ZFPM2: variants seen among roughly 807,000 people sequenced by gnomAD.
The protein encoded by ZFPM2 is zinc finger protein, FOG family member 2.
Under a neutral mutation model 98.6 loss-of-function variants are expected in ZFPM2, and 20 were observed. The observed-to-expected ratio is 0.20, with a 90% confidence interval of 0.14 to 0.29. ZFPM2 has a LOEUF of 0.29. Among genes scored for constraint, ZFPM2 ranks in the 10% least tolerant of loss-of-function variants. The probability of loss-of-function intolerance (pLI) is 1.00; values close to 1 mark genes in which losing one functional copy is unlikely to be tolerated. For synonymous variants in ZFPM2, 518 were observed against 502.7 expected (o/e 1.03, Z -0.41); for missense variants, 1,310 against 1,388.6 (o/e 0.94, Z 0.90).
At chr8:105,589,428 A>G (rs749215162) in intron 4 of ZFPM2, among the ~76,000 whole-genome samples, 2 of 152,222 alleles carry the variant, frequency 1.3e-5, no homozygotes, top group African/African-American at 4.8e-5. Flanking sequence ...TTTTGTAATT[A>G]AAGCTACTTT....
intron 5 of ZFPM2, among the ~76,000 whole-genome samples, chr8:105,712,723 G>A (rs1355670146): frequency 6.6e-6 from 1 of 151,968 alleles, no homozygotes; most frequent in African/African-American, 2.4e-5. Flanking sequence ...CTCTCCTTTT[G>A]GAGTCCCCAG....
intron 5 of ZFPM2, among the ~76,000 whole-genome samples, chr8:105,657,100 G>A (rs1361154371): frequency 1.6e-4 from 25 of 152,038 alleles, no homozygotes; most frequent in South Asian, 4.1e-4. Flanking sequence ...GTTAAGGAGC[G>A]AGATAAATTG....
intron 5 of ZFPM2, among the ~76,000 whole-genome samples, chr8:105,784,032 T>A (rs1453355680): frequency 1.3e-5 from 2 of 151,310 alleles, no homozygotes; most frequent in African/African-American, 2.4e-5. Context: ...TTAACAACAC[T>A]TTTTTTTATA....
rs184903125 is a variant in ZFPM2, at chr8:105,546,314, C to T, written c.302-15049C>T. Among the ~76,000 whole-genome samples the T allele has an allele frequency of 3.0e-3, 457 of 152,194 alleles. 2 individuals carry two copies. Among genetic ancestry groups the T allele is most frequent in the African/African-American group, 0.01 (428 of 41,528 alleles). On this transcript the variant is annotated intron_variant, in intron 3 of 7. Transcript: ENST00000407775. ...AAGATAGGCTGGGTGTGGTGGCTCA[C>T]ACCTGTAATCCCAGCACTTTGGGAG...
intron 1 of ZFPM2, among the ~76,000 whole-genome samples, chr8:105,394,723 C>T (rs1811188066): frequency 6.6e-6 from 1 of 152,304 alleles, no homozygotes; most frequent in Non-Finnish European, 1.5e-5. Flanking sequence ...GGCACAGCTC[C>T]TTGTCTCACA....
At chr8:105,508,813 C>G (rs1813754329) in intron 3 of ZFPM2, among the ~76,000 whole-genome samples, 1 of 150,602 alleles carries the variant, frequency 6.6e-6, no homozygotes, top group African/African-American at 2.4e-5. Flanking sequence ...TTTTTTTTCC[C>G]CCTCGCATTG....
chr8:105,501,856 A>C (rs1448406087), intron 3 of ZFPM2, among the ~76,000 whole-genome samples: 2 of 152,136 alleles, frequency 1.3e-5, no homozygotes. Flanking sequence ...ATTATAAAGA[A>C]TCTCCTATAT....
rs546906734 is a variant in ZFPM2, at chr8:105,391,017, A to G, written c.41-28127A>G. Reference sequence around the variant, plus strand: ...CTTCAGAATTATATACTGAGAGTCAAGACTCCATAGCATAAATGTGATTGC... The same window carrying G: ...CTTCAGAATTATATACTGAGAGTCAGGACTCCATAGCATAAATGTGATTGC... On this transcript the variant is annotated intron_variant, in intron 1 of 7. Transcript: ENST00000407775. Among the ~76,000 whole-genome samples, 4 of 152,348 alleles carry G rather than the reference A, an allele frequency of 2.6e-5. No homozygotes were observed. The South Asian group carries it at 8.3e-4, about 32-fold the overall frequency.
intron 3 of ZFPM2, among the ~76,000 whole-genome samples, chr8:105,490,960 A>G (rs1456496711): frequency 2.6e-5 from 4 of 152,224 alleles, no homozygotes; most frequent in Non-Finnish European, 5.9e-5. Flanking sequence ...TGATAATTTT[A>G]AAAGGTCATC....
chr8:105,731,651 T>C (rs1324915728), intron 5 of ZFPM2, among the ~76,000 whole-genome samples: 1 of 151,576 alleles, frequency 6.6e-6, no homozygotes, highest in Admixed American at 6.6e-5. Flanking sequence ...GAGGGGGAGC[T>C]TCAACCTCCA....
intron 5 of ZFPM2, among the ~76,000 whole-genome samples, chr8:105,665,255 A>G (rs953378935): frequency 6.6e-5 from 10 of 152,062 alleles, no homozygotes; most frequent in African/African-American, 2.4e-4. Context: ...TGACCCAAAC[A>G]CCTTTCACTA....
chr8:105,770,417 G>T lies in ZFPM2; in HGVS notation c.533-18301G>T, dbSNP rs2131089680. On this transcript the variant is annotated intron_variant, in intron 5 of 7. Coordinates refer to ENST00000407775, the MANE Select transcript of ZFPM2 (RefSeq NM_012082.4). ...GGTTTTTATCTCACGAAAGTTAACT[G>T]AAAACAAAGTCATGTGAGTTTATGC... Among the ~76,000 whole-genome samples the T allele has an allele frequency of 2.0e-5, 3 of 152,156 alleles. No homozygotes were observed. In the Middle Eastern group the frequency reaches 0.01, roughly 518 times the overall value.
At chr8:105,662,395 TA>T (rs1466558210) in intron 5 of ZFPM2, 1 of 152,162 alleles carries the variant, frequency 6.6e-6, no homozygotes, top group Non-Finnish European at 1.5e-5. Context: ...CATTTCTTTC[TA>T]AAGTCCTAAC....
rs553179275 is a variant in ZFPM2, at chr8:105,461,181, T to G, written c.301+16800T>G. On this transcript the variant is annotated intron_variant, in intron 3 of 7. Coordinates refer to ENST00000407775, the MANE Select transcript of ZFPM2 (RefSeq NM_012082.4). ...TTCATGATTAATATATAGTGGAATATTTTAGCACATTTTAAAATTAAAAGA... is the reference window on the plus strand; with the variant it reads ...TTCATGATTAATATATAGTGGAATAGTTTAGCACATTTTAAAATTAAAAGA... Among the ~76,000 whole-genome samples the G allele has an allele frequency of 3.9e-5, 6 of 152,268 alleles. No individual in the cohort carries two copies. In the East Asian group the frequency reaches 1.2e-3, roughly 29 times the overall value.
chr8:105,725,184 C>A (rs1024470207), intron 5 of ZFPM2, among the ~76,000 whole-genome samples: 53 of 151,934 alleles, frequency 3.5e-4, no homozygotes, highest in African/African-American at 1.3e-3. Flanking sequence ...CTTTTCCAAT[C>A]AGTTTCCTTA....
intron 3 of ZFPM2, among the ~76,000 whole-genome samples, chr8:105,495,194 A>G (rs762563844): frequency 6.6e-6 from 1 of 152,160 alleles, no homozygotes; most frequent in East Asian, 1.9e-4. Context: ...TCATTCGTTT[A>G]TGTGTCCCTC....
chr8:105,493,414 A>T lies in ZFPM2; in HGVS notation c.301+49033A>T, dbSNP rs189650786. ...TTCCAGACTAAACCCTTGAAGAAAG[A>T]TGATGAAGTCCACAATTTTTTACAC... On this transcript the variant is annotated intron_variant, in intron 3 of 7. Coordinates refer to ENST00000407775, the MANE Select transcript of ZFPM2 (RefSeq NM_012082.4). 2.6e-5 allele frequency among the ~76,000 whole-genome samples: 4 copies of T among 152,338 alleles called. No homozygotes were observed. In the East Asian group the frequency reaches 5.8e-4, roughly 22 times the overall value.
At chr8:105,506,697 A>T (rs958199968) in intron 3 of ZFPM2, among the ~76,000 whole-genome samples, 3 of 152,184 alleles carry the variant, frequency 2.0e-5, no homozygotes, top group Non-Finnish European at 4.4e-5. Context: ...AAAGAAATAA[A>T]ATCATATACA....
At chr8:105,375,060 G>C (rs1026353614) in intron 1 of ZFPM2, among the ~76,000 whole-genome samples, 2 of 152,058 alleles carry the variant, frequency 1.3e-5, no homozygotes, top group African/African-American at 4.8e-5. Flanking sequence ...GTATTTGGGG[G>C]CAAGGATTTT....
Sources: gnomAD v4.1 joint callset for allele counts (sites outside exome capture counted in the v4.1 genomes callset) on GRCh38, gnomAD v4.1.1 for gene constraint, MANE v1.5 for transcripts, NCBI Gene and HGNC (gene_info 2026-07-23, HGNC 2026-07-21) for gene names.